DCC: variants seen among roughly 807,000 people sequenced by gnomAD.
DCC encodes the protein netrin receptor DCC.
Under a neutral mutation model 172.5 loss-of-function variants are expected in DCC, and 58 were observed. The ratio of observed to expected loss-of-function variants is 0.34; its 90% CI spans 0.27 to 0.42. DCC has a LOEUF of 0.42. DCC is among the 10% of genes least tolerant of loss of function. The pLI is 1.00. For synonymous variants in DCC, 709 were observed against 644.5 expected (o/e 1.10, Z -1.52); for missense variants, 1,740 against 1,791.0 (o/e 0.97, Z 0.51).
chr18:53,496,241 C>A (rs576582972), intron 26 of DCC, among the ~76,000 whole-genome samples: 1 of 152,270 alleles, frequency 6.6e-6, no homozygotes, highest in South Asian at 2.1e-4. Context: ...TGGGACGAAG[C>A]TTCCAGAGGA....
At chr18:52,795,262 T>C (rs1445208899) in intron 2 of DCC, among the ~76,000 whole-genome samples, 1 of 152,084 alleles carries the variant, frequency 6.6e-6, no homozygotes, top group Non-Finnish European at 1.5e-5. Flanking sequence ...TCCTGAACTT[T>C]TCTTTATTGG....
intron 1 of DCC, among the ~76,000 whole-genome samples, chr18:52,422,939 G>A (rs1343024045): frequency 1.3e-5 from 2 of 152,162 alleles, no homozygotes; most frequent in Non-Finnish European, 2.9e-5. Context: ...GGTGGTGGCA[G>A]GACCTTCAAT....
intron 1 of DCC, among the ~76,000 whole-genome samples, chr18:52,549,871 T>C (rs2032718122): frequency 6.6e-6 from 1 of 152,000 alleles, no homozygotes; most frequent in Non-Finnish European, 1.5e-5. Flanking sequence ...CTCTACATGT[T>C]ATGCAGAAGA....
At chr18:52,907,615 C>T (rs2039909070) in intron 3 of DCC, among the ~76,000 whole-genome samples, 1 of 151,988 alleles carries the variant, frequency 6.6e-6, no homozygotes, top group South Asian at 2.1e-4. Context: ...GAGGTTTCAT[C>T]CTATTGCCCA....
intron 1 of DCC, among the ~76,000 whole-genome samples, chr18:52,596,267 C>T (rs928097742): frequency 2.0e-5 from 3 of 152,162 alleles, no homozygotes; most frequent in African/African-American, 7.2e-5. Flanking sequence ...CACACTCACA[C>T]GGGAAACACA....
intron 2 of DCC, among the ~76,000 whole-genome samples, chr18:52,804,968 CTT>C (rs1047556383): frequency 2.8e-4 from 43 of 152,222 alleles, no homozygotes; most frequent in African/African-American, 1.0e-3. Context: ...AATACACAAA[CTT>C]TATATTTTCA....
At chr18:53,402,937 C>T (rs1909408048) in intron 19 of DCC, 44 bp downstream of exon 19, 1 of 1,391,218 alleles carries the variant, frequency 7.2e-7, no homozygotes, top group African/African-American at 1.4e-5. Flanking sequence ...CTCCCTTGTC[C>T]TATAATTGCT....
chr18:53,148,496 A>G (rs1476505824), intron 7 of DCC, among the ~76,000 whole-genome samples: 1 of 152,160 alleles, frequency 6.6e-6, no homozygotes, highest in East Asian at 1.9e-4. Context: ...GCGAGCTGCA[A>G]TTGGGTAGAA....
intron 8 of DCC, among the ~76,000 whole-genome samples, chr18:53,169,069 A>G (rs2054970813): frequency 6.6e-6 from 1 of 152,234 alleles, no homozygotes; most frequent in Non-Finnish European, 1.5e-5. Context: ...AGTTCTAGGC[A>G]CAGGAGAATA....
intron 1 of DCC, among the ~76,000 whole-genome samples, chr18:52,517,849 T>C (rs897558768): frequency 1.3e-5 from 2 of 152,202 alleles, no homozygotes; most frequent in African/African-American, 4.8e-5. Flanking sequence ...AGGAAATACA[T>C]AGTGTTCTGG....
In DCC at chr18:53,382,693, T is replaced by C. The variant is rs79128187; in HGVS notation, c.2360-3350T>C. Among the ~76,000 whole-genome samples, 82 of 152,266 alleles carry C rather than the reference T, an allele frequency of 5.4e-4. 1 individual carries two copies. The East Asian group carries it at 0.014, about 25-fold the overall frequency. On this transcript the variant is annotated intron_variant, in intron 15 of 28. Coordinates refer to ENST00000442544, the MANE Select transcript of DCC (RefSeq NM_005215.4). Reference sequence around the variant, plus strand: ...CATTTAACACTTGTTGATTGATTACTTTCTTATTAGGAAAATAGCTTGACA... The same window carrying C: ...CATTTAACACTTGTTGATTGATTACCTTCTTATTAGGAAAATAGCTTGACA...
intron 5 of DCC, among the ~76,000 whole-genome samples, chr18:52,954,139 C>T (rs770668529): frequency 6.6e-5 from 10 of 152,094 alleles, no homozygotes; most frequent in South Asian, 2.1e-4. Context: ...TCATTTTCAT[C>T]GTATTGCTGG....
At chr18:52,523,054 A>G (rs1598885634) in intron 1 of DCC, among the ~76,000 whole-genome samples, 1 of 152,148 alleles carries the variant, frequency 6.6e-6, no homozygotes, top group Non-Finnish European at 1.5e-5. Context: ...TTATTTACTT[A>G]CTGTCCTCTG....
At chr18:52,429,910 C>A (rs1025657332) in intron 1 of DCC, among the ~76,000 whole-genome samples, 1 of 152,052 alleles carries the variant, frequency 6.6e-6, no homozygotes, top group Non-Finnish European at 1.5e-5. Context: ...ATTGGGGCTA[C>A]AGAGAAATAA....
chr18:53,389,886 C>T (rs892097919), intron 16 of DCC, among the ~76,000 whole-genome samples: 4 of 152,184 alleles, frequency 2.6e-5, no homozygotes, highest in Admixed American at 6.5e-5. Flanking sequence ...TGTGAAAAAA[C>T]TATACAGTTA....
intron 12 of DCC, among the ~76,000 whole-genome samples, chr18:53,258,197 G>A (rs1466973704): frequency 6.6e-6 from 1 of 152,028 alleles, no homozygotes; most frequent in African/African-American, 2.4e-5. Context: ...AGGGTTTTTT[G>A]TGTCTCTATT....
At chr18:52,659,992 T>G (rs1016197802) in intron 1 of DCC, among the ~76,000 whole-genome samples, 1 of 152,174 alleles carries the variant, frequency 6.6e-6, no homozygotes, top group African/African-American at 2.4e-5. Flanking sequence ...ATCTAACCAT[T>G]TCAGATTTTA....
chr18:53,127,065 A>G (rs2043568606), intron 7 of DCC, among the ~76,000 whole-genome samples: 1 of 151,618 alleles, frequency 6.6e-6, no homozygotes, highest in Admixed American at 6.6e-5. Context: ...ATCAGTTTTA[A>G]TGACACTTTT....
Position 53,024,091 on chromosome 18 carries a change from A to G in DCC, c.986-39214A>G, listed in dbSNP as rs112034395. 8.2e-3 allele frequency among the ~76,000 whole-genome samples: 1,243 copies of G among 152,290 alleles called. 29 individuals are homozygous for G. Among genetic ancestry groups the G allele is most frequent in the African/African-American group, 0.028 (1,165 of 41,570 alleles). On this transcript the variant is annotated intron_variant, in intron 5 of 28. Transcript: ENST00000442544. ...ATAGACAGTGGGTAAAAATGTGTTT[A>G]GAATGGAGAAAATTGACTTGAAGAA...
Sources: gnomAD v4.1 joint callset for allele counts (sites outside exome capture counted in the v4.1 genomes callset) on GRCh38, gnomAD v4.1.1 for gene constraint, MANE v1.5 for transcripts, NCBI Gene and HGNC (gene_info 2026-07-23, HGNC 2026-07-21) for gene names.